The following ATP6V1D variants were observed in gnomAD, a reference collection of about 807,000 sequenced individuals.
ATP6V1D encodes the protein ATPase H+ transporting V1 subunit D, also known as V-type proton ATPase subunit D.
A neutral mutation model predicts 39.4 loss-of-function variants in ATP6V1D; 20 were observed. The observed-to-expected ratio is 0.51, with a 90% CI of 0.36 to 0.74. The LOEUF (loss-of-function observed/expected upper bound fraction) is 0.74, where lower values mean the gene tolerates loss of function less well. ATP6V1D is among the 30% of genes least tolerant of loss of function. The probability of loss-of-function intolerance (pLI) is 0.00; values close to 1 mark genes in which losing one functional copy is unlikely to be tolerated. For synonymous variants in ATP6V1D, 100 were observed against 100.5 expected (o/e 0.99, Z 0.03); for missense variants, 228 against 291.6 (o/e 0.78, Z 1.59).
Position 67,348,741 on chromosome 14 carries a change from C to T in ATP6V1D, c.307+296G>A, listed in dbSNP as rs113284812. 2,138 of 242,688 alleles carry T rather than the reference C, an allele frequency of 8.8e-3. 50 individuals are homozygous for T. The highest frequency in any genetic ancestry group is 0.046 in the African/African-American group (1,987 of 43,104). 15.0% of individuals were successfully genotyped at this position (242,688 alleles called of 1,614,324 possible). On this transcript the variant is annotated intron_variant, in intron 4 of 8. Coordinates refer to ENST00000216442, the MANE Select transcript of ATP6V1D (RefSeq NM_015994.4). ...TTCACCATGTTGGCCAGGCTGGTCT[C>T]GAACTCCTGACCTTGTGATTCGCCC...
intron 1 of ATP6V1D, among the ~76,000 whole-genome samples, chr14:67,355,860 CATGGTAGGGCACACCGGTAAT>C (rs1366243604): frequency 6.6e-6 from 1 of 151,620 alleles, no homozygotes; most frequent in Non-Finnish European, 1.5e-5. Flanking sequence ...ATTACCTGGG[CATGGTAGGGCACACCGGTAAT>C]CCCATATACA....
In ATP6V1D at chr14:67,359,786, A is replaced by ACGGGAGTCAG. The variant is rs2085717623; in HGVS notation, c.-98_-89dup. The ACGGGAGTCAG allele has an allele frequency of 6.7e-7, 1 of 1,484,100 alleles. No homozygotes were observed. Among genetic ancestry groups the ACGGGAGTCAG allele is most frequent in the Admixed American group, 1.7e-5 (1 of 58,234 alleles). The allele number at this position is 1,484,100 out of a possible 1,614,324, so 91.9% of individuals were successfully genotyped here. A position where few individuals can be genotyped will look rare whatever the true frequency, so the allele number is the denominator to read the frequency against. ...ACTGGCCTCCACAGTGTCTTCCTCT[A>ACGGGAGTCAG]CGGGAGTCAGCTGGTTGTGTCACTT... On this transcript the variant is annotated 5_prime_UTR_variant, in exon 1 of 9. Transcript: ENST00000216442.
intron 3 of ATP6V1D, 80 bp from the exon 4 acceptor site, chr14:67,349,184 T>A (rs2085641450): frequency 2.3e-6 from 3 of 1,318,998 alleles, no homozygotes; most frequent in African/African-American, 2.9e-5. Flanking sequence ...GTTTTAACAT[T>A]AAATGAGACC....
In ATP6V1D at chr14:67,338,658, AGAAGATTAGCAGGC is replaced by A; in HGVS notation, c.693_706del (p.Glu231AspfsTer3). 4 of 1,614,164 alleles carry A rather than the reference AGAAGATTAGCAGGC, an allele frequency of 2.5e-6. No homozygotes were observed. The highest frequency in any genetic ancestry group is 3.4e-6 in the Non-Finnish European group (4 of 1,180,006). ...AAGATCCTCGTCCTTCTCTTCAGCCAGAAGATTAGCAGGCTCCAACACCTCTCCAGCTGCTCTCC... is the reference window on the plus strand; with the variant it reads ...AAGATCCTCGTCCTTCTCTTCAGCCATCCAACACCTCTCCAGCTGCTCTCC... On this transcript the variant is annotated frameshift_variant, in exon 9 of 9. Coordinates refer to ENST00000216442, the MANE Select transcript of ATP6V1D (RefSeq NM_015994.4). LOFTEE classifies it high-confidence loss of function.
rs2085557123 is a variant in ATP6V1D, at chr14:67,338,653, C to T, written c.712G>A (p.Glu238Lys). 2 of 1,614,128 alleles carry T rather than the reference C, an allele frequency of 1.2e-6. No homozygotes were observed. The highest frequency in any genetic ancestry group is 1.6e-4 in the Middle Eastern group (1 of 6,062). The stretch of plus-strand genomic sequence containing the variant: ...AATAGAAGATCCTCGTCCTTCTCTT[C>T]AGCCAGAAGATTAGCAGGCTCCAAC... ...EVLEPANLLA[E>K]EKDEDLLFE is the part of the protein sequence containing the mutation. The change falls in exon 9 of 9, where the codon GAA (glutamate) becomes AAA (lysine). Residue 238 changes from glutamate to lysine, a missense_variant. This residue lies in a region of ATP6V1D where 114 missense variants were observed against 128.3 expected (regional missense o/e 0.89). Transcript: ENST00000216442.
intron 7 of ATP6V1D, 107 bp downstream of exon 7, chr14:67,343,265 T>G: frequency 2.5e-6 from 2 of 795,032 alleles, no homozygotes; most frequent in East Asian, 2.7e-5. Flanking sequence ...AAGGGAAGCA[T>G]CTTATTCATC....
In ATP6V1D at chr14:67,359,779, T is replaced by C. The variant is rs1226969637; in HGVS notation, c.-81A>G. ...CTCCAGAACTGGCCTCCACAGTGTC[T>C]TCCTCTACGGGAGTCAGCTGGTTGT... On this transcript the variant is annotated 5_prime_UTR_variant, in exon 1 of 9. Coordinates refer to ENST00000216442, the MANE Select transcript of ATP6V1D (RefSeq NM_015994.4). 2 of 1,529,512 alleles carry C rather than the reference T, an allele frequency of 1.3e-6. No homozygotes were observed. Among genetic ancestry groups the C allele is most frequent in the Non-Finnish European group, 1.8e-6 (2 of 1,109,380 alleles). The allele number at this position is 1,529,512 out of a possible 1,614,324, so 94.7% of individuals were successfully genotyped here.
chr14:67,340,593 AAC>A (rs1199081683), intron 7 of ATP6V1D, 75 bp from the exon 8 acceptor site: 25 of 1,234,750 alleles, frequency 2.0e-5, no homozygotes, highest in African/African-American at 4.5e-5. Context: ...TCATTTGTAT[AAC>A]AGTTATTTTT....
intron 4 of ATP6V1D, among the ~76,000 whole-genome samples, chr14:67,347,848 C>T (rs767714327): frequency 7.9e-5 from 12 of 151,916 alleles, no homozygotes; most frequent in Non-Finnish European, 1.2e-4. Context: ...TTTCATCAAA[C>T]TCAAAAATCA....
At chr14:67,357,414 G>A (rs528719358) in intron 1 of ATP6V1D, among the ~76,000 whole-genome samples, 2 of 152,252 alleles carry the variant, frequency 1.3e-5, no homozygotes, top group South Asian at 2.1e-4. Flanking sequence ...CCAGCCATGG[G>A]GAAAATATTT....
chr14:67,337,902 C>A lies in ATP6V1D; in HGVS notation c.*719G>T, dbSNP rs1257233436. On this transcript the variant is annotated 3_prime_UTR_variant, in exon 9 of 9. Coordinates refer to ENST00000216442, the MANE Select transcript of ATP6V1D (RefSeq NM_015994.4). The stretch of plus-strand genomic sequence containing the variant: ...CATCGGCAATCATTTATTAGTACCC[C>A]AAAATGCAACAGTTGTCTCAAAAGT... 1.3e-5 allele frequency: 2 copies of A among 152,292 alleles called. No homozygotes were observed. The highest frequency in any genetic ancestry group is 4.8e-5 in the African/African-American group (2 of 41,550). 9.4% of individuals were successfully genotyped at this position (152,292 alleles called of 1,614,324 possible).
At chr14:67,352,673 A>C (rs2085663228) in intron 2 of ATP6V1D, 2 of 343,530 alleles carry the variant, frequency 5.8e-6, no homozygotes, top group South Asian at 9.5e-5. Flanking sequence ...CCTTAGGAAG[A>C]ATGCTCTAAA....
intron 7 of ATP6V1D, among the ~76,000 whole-genome samples, chr14:67,341,992 T>A (rs2085587982): frequency 6.6e-6 from 1 of 151,536 alleles, no homozygotes; most frequent in African/African-American, 2.4e-5. Context: ...GGCAGCATGC[T>A]CGTTAAGAGT....
At position 67,338,558 on chromosome 14, in the gene ATP6V1D, T is replaced by C; in HGVS notation, c.*63A>G. The C allele has an allele frequency of 6.4e-7, 1 of 1,555,654 alleles. No homozygotes were observed. The highest frequency in any genetic ancestry group is 8.7e-7 in the Non-Finnish European group (1 of 1,147,520). ...AATAAATAGCCACACAAATCAAACC[T>C]ACACACTGTGAATTAAAATGAAGCC... On this transcript the variant is annotated 3_prime_UTR_variant, in exon 9 of 9. Coordinates refer to ENST00000216442, the MANE Select transcript of ATP6V1D (RefSeq NM_015994.4).
In ATP6V1D at chr14:67,352,932, C is replaced by A. The variant is rs2085665460; in HGVS notation, c.150G>T (p.Lys50Asn). Residue 50 changes from lysine (K) to asparagine (N), a missense_variant, in exon 2 of 9, where the codon AAG (lysine) becomes AAT (asparagine). By Grantham distance (94) the Lys-to-Asn change is moderately conservative. This residue lies in a region of ATP6V1D where 104 missense variants were observed against 120.2 expected (regional missense o/e 0.87). Transcript: ENST00000216442. Reference protein sequence around the residue: ...LTLRFRQILKKIIETKMLMGE... With the variant: ...LTLRFRQILKNIIETKMLMGE... The stretch of plus-strand genomic sequence containing the variant: ...GAAAAGTTCATTCTACCTCTATTAT[C>A]TTCTTTAGGATCTGTCGAAATCGAA... 2 of 1,604,600 alleles carry A rather than the reference C, an allele frequency of 1.2e-6. No homozygotes were observed. The highest frequency in any genetic ancestry group is 2.7e-5 in the African/African-American group (2 of 74,634).
intron 1 of ATP6V1D, among the ~76,000 whole-genome samples, chr14:67,354,499 G>A (rs1010951828): frequency 3.9e-5 from 6 of 152,054 alleles, no homozygotes; most frequent in Admixed American, 6.5e-5. Context: ...ACAAAAACAC[G>A]TGCAAGGTTT....
chr14:67,359,647 C>A lies in ATP6V1D; in HGVS notation c.41+11G>T, dbSNP rs2085714615. The A allele has an allele frequency of 6.2e-7, 1 of 1,614,088 alleles. No individual in the cohort carries two copies. The highest frequency in any genetic ancestry group is 1.3e-5 in the African/African-American group (1 of 75,052). ...ACCTGTGAAAGCGGCTTATCCCATTCCTTTACTTACATTCGCGAGGGAAAG... is the reference window on the plus strand; with the variant it reads ...ACCTGTGAAAGCGGCTTATCCCATTACTTTACTTACATTCGCGAGGGAAAG... On this transcript the variant is annotated intron_variant, in intron 1 of 8. Transcript: ENST00000216442.
chr14:67,340,250 T>C, intron 8 of ATP6V1D, 190 bp downstream of exon 8: 1 of 543,504 alleles, frequency 1.8e-6, no homozygotes, highest in Non-Finnish European at 3.3e-6. Context: ...TGCCATGTTA[T>C]AGGTACATGT....
intron 4 of ATP6V1D, 46 bp from the exon 5 acceptor site, chr14:67,347,499 TC>T (rs1566599603): frequency 7.7e-6 from 10 of 1,300,578 alleles, no homozygotes; most frequent in Admixed American, 2.9e-5. Flanking sequence ...CTTTAAGTTC[TC>T]TCTTTTTTTT....
Sources: allele counts gnomAD v4.1 joint callset (sites outside exome capture counted in the v4.1 genomes callset), GRCh38; gene constraint gnomAD v4.1.1; regional missense constraint gnomAD v4.1.1; transcripts MANE v1.5; gene names NCBI Gene and HGNC (gene_info 2026-07-23, HGNC 2026-07-21).